Variants in ZNF503 observed in about 807,000 individuals in gnomAD.
The protein encoded by ZNF503 is zinc finger protein 503.
In ZNF503, 15 loss-of-function variants were observed where a neutral mutation model predicts 34.4. The observed-to-expected ratio is 0.44, with a 90% CI of 0.29 to 0.67. The LOEUF (loss-of-function observed/expected upper bound fraction) is 0.67, where lower values mean the gene tolerates loss of function less well. ZNF503 is among the 30% of genes least tolerant of loss of function. The pLI is 0.13. For synonymous variants in ZNF503, 580 were observed against 456.8 expected (o/e 1.27, Z -3.44); for missense variants, 1,007 against 926.8 (o/e 1.09, Z -1.12).
At chr10:75,351,005 A>G in the ZNF503 span, among the ~76,000 whole-genome samples, 1 of 152,244 alleles carries the variant, frequency 6.6e-6, no homozygotes, top group African/African-American at 2.4e-5. Flanking sequence ...CATATTCCAC[A>G]GATGAGTCAT....
chr10:75,326,630 T>C, the ZNF503 span, among the ~76,000 whole-genome samples: 1 of 151,940 alleles, frequency 6.6e-6, no homozygotes, highest in Non-Finnish European at 1.5e-5. Context: ...TGTTTGACTT[T>C]TAAAATGTTT....
At chr10:75,329,447 CTT>C in the ZNF503 span, among the ~76,000 whole-genome samples, 1 of 130,982 alleles carries the variant, frequency 7.6e-6, no homozygotes, top group Non-Finnish European at 1.6e-5. Flanking sequence ...TTCTTTCTTT[CTT>C]TCTTTCTTTC....
At chr10:75,295,001 A>G in the ZNF503 span, among the ~76,000 whole-genome samples, 1 of 152,112 alleles carries the variant, frequency 6.6e-6, no homozygotes, top group Admixed American at 6.5e-5. This position sits in a 1 kb window ranked among gnomAD's most constrained non-coding sequence, Gnocchi z 4.0. Flanking sequence ...TCAAAGGCCT[A>G]CGGGTCATTC....
chr10:75,332,307 T>G, the ZNF503 span, among the ~76,000 whole-genome samples: 16 of 152,072 alleles, frequency 1.1e-4, no homozygotes, highest in Non-Finnish European at 2.4e-4. Flanking sequence ...GTTCCAAATC[T>G]TTAATTTTGT....
Position 75,401,342 on chromosome 10 carries a change from G to GCCGCCTCCGCTT in ZNF503, c.77_78insAAGCGGAGGCGG (p.Gly26_Gly27insSerGlyGlyGly). ...CGCTGGTCCAGGCAGGGTCTGCACC[G>GCCGCCTCCGCTT]CCGCCTCCGCCTCCGCCGCCGCCGC... On this transcript the variant is annotated inframe_insertion, in exon 1 of 2. Transcript: ENST00000372524. 1 of 1,538,546 alleles carries GCCGCCTCCGCTT rather than the reference G, an allele frequency of 6.5e-7. No individual in the cohort carries two copies.
chr10:75,315,273 T>C, the ZNF503 span, among the ~76,000 whole-genome samples: 2 of 152,092 alleles, frequency 1.3e-5, no homozygotes, highest in Non-Finnish European at 2.9e-5. Context: ...AGTGGGAGGG[T>C]TGCTTGAGCC....
chr10:75,296,136 A>T, the ZNF503 span, among the ~76,000 whole-genome samples: 1 of 152,238 alleles, frequency 6.6e-6, no homozygotes, highest in African/African-American at 2.4e-5. Context: ...CTCTGAGGTC[A>T]TGTCTAGGAG....
chr10:75,377,770 G>T, the ZNF503 span, among the ~76,000 whole-genome samples: 2 of 152,240 alleles, frequency 1.3e-5, no homozygotes, highest in African/African-American at 2.4e-5. Flanking sequence ...GGCCACACAT[G>T]ATGGTCCCAG....
At chr10:75,381,116 C>T in the ZNF503 span, among the ~76,000 whole-genome samples, 2 of 152,206 alleles carry the variant, frequency 1.3e-5, no homozygotes, top group Non-Finnish European at 2.9e-5. Flanking sequence ...ATTATCTAGC[C>T]TCTCTTGTAG....
At chr10:75,321,156 T>C in the ZNF503 span, among the ~76,000 whole-genome samples, 3 of 152,154 alleles carry the variant, frequency 2.0e-5, no homozygotes, top group African/African-American at 7.2e-5. Context: ...TCTGGCAATG[T>C]AAGAGGAACC....
chr10:75,392,656 A>G, the ZNF503 span, among the ~76,000 whole-genome samples: 126 of 152,268 alleles, frequency 8.3e-4, 1 homozygote, highest in African/African-American at 2.7e-3. Flanking sequence ...AAACAGGCAA[A>G]ATCAGAGGAT....
At chr10:75,310,685 T>C in the ZNF503 span, among the ~76,000 whole-genome samples, 1 of 152,118 alleles carries the variant, frequency 6.6e-6, no homozygotes, top group African/African-American at 2.4e-5. Flanking sequence ...CTTCCTGCAG[T>C]CTAGTGGAGA....
the ZNF503 span, among the ~76,000 whole-genome samples, chr10:75,306,553 A>C: frequency 1.3e-5 from 2 of 151,970 alleles, no homozygotes; most frequent in African/African-American, 4.8e-5. Flanking sequence ...AATTTTCATG[A>C]TGTTGAATTT....
chr10:75,298,239 A>G, the ZNF503 span, among the ~76,000 whole-genome samples: 28 of 152,372 alleles, frequency 1.8e-4, no homozygotes, highest in African/African-American at 5.3e-4. Context: ...TTTAGAAGGT[A>G]AAATTATGTG....
chr10:75,329,814 G>A, the ZNF503 span, among the ~76,000 whole-genome samples: 2 of 151,986 alleles, frequency 1.3e-5, no homozygotes, highest in Non-Finnish European at 2.9e-5. Flanking sequence ...TGCAAACAGG[G>A]ACAGTTTGAC....
chr10:75,368,856 T>C, the ZNF503 span, among the ~76,000 whole-genome samples: 1 of 152,240 alleles, frequency 6.6e-6, no homozygotes, highest in Non-Finnish European at 1.5e-5. Flanking sequence ...ACCTCCAAAT[T>C]ATTCTCCATA....
the ZNF503 span, among the ~76,000 whole-genome samples, chr10:75,326,097 A>G: frequency 6.6e-6 from 1 of 152,216 alleles, no homozygotes; most frequent in Non-Finnish European, 1.5e-5. Flanking sequence ...CAAAAACATC[A>G]ATTACTTTTG....
the ZNF503 span, among the ~76,000 whole-genome samples, chr10:75,374,314 A>C: frequency 6.6e-6 from 1 of 152,126 alleles, no homozygotes; most frequent in Non-Finnish European, 1.5e-5. Flanking sequence ...ACAACAACAA[A>C]AAAACAAACA....
the ZNF503 span, among the ~76,000 whole-genome samples, chr10:75,328,070 G>A: frequency 1.3e-5 from 2 of 152,068 alleles, no homozygotes; most frequent in African/African-American, 4.8e-5. Context: ...TCTGTTAATT[G>A]TTTCCTTTGC....
Sources: gnomAD v4.1 joint callset for allele counts (sites outside exome capture counted in the v4.1 genomes callset) on GRCh38, gnomAD v4.1.1 for gene constraint, Gnocchi (gnomAD v3.1) non-coding constraint, MANE v1.5 for transcripts, NCBI Gene and HGNC (gene_info 2026-07-23, HGNC 2026-07-21) for gene names.